Variants in TENM4 observed in about 807,000 individuals in gnomAD.
The protein encoded by TENM4 is teneurin-4.
TENM4 carries 82 observed loss-of-function variants against 243.3 expected under a neutral mutation model. The ratio of observed to expected loss-of-function variants is 0.34; its 90% confidence interval spans 0.28 to 0.40. The LOEUF (loss-of-function observed/expected upper bound fraction) is 0.40. TENM4 is among the 10% of genes least tolerant of loss of function. The pLI, the probability that TENM4 is intolerant of heterozygous loss-of-function variation, is 1.00. For missense variants in TENM4, 3,138 were observed against 3,673.3 expected (o/e 0.85, Z 3.77); for synonymous variants, 1,412 against 1,456.3 (o/e 0.97, Z 0.69).
chr11:78,832,146 A>T (rs1857999638), intron 12 of TENM4, among the ~76,000 whole-genome samples: 1 of 152,178 alleles, frequency 6.6e-6, no homozygotes, highest in Admixed American at 6.5e-5. Context: ...TTTCCCGCAT[A>T]CTTCAAGCAG....
At chr11:78,947,182 G>A (rs1857017231) in intron 6 of TENM4, among the ~76,000 whole-genome samples, 1 of 152,180 alleles carries the variant, frequency 6.6e-6, no homozygotes, top group Non-Finnish European at 1.5e-5. Context: ...CCCACCGTGT[G>A]CACTGGTCTC....
At chr11:79,066,758 AAG>A (rs1860270190) in intron 5 of TENM4, among the ~76,000 whole-genome samples, 1 of 151,882 alleles carries the variant, frequency 6.6e-6, no homozygotes. Context: ...ACGCACGCAC[AAG>A]CACGCACACA....
chr11:78,715,798 GT>G (rs1276299412), intron 25 of TENM4, among the ~76,000 whole-genome samples: 2 of 152,170 alleles, frequency 1.3e-5, no homozygotes, highest in African/African-American at 4.8e-5. Flanking sequence ...GCCCTTTCTA[GT>G]TTGCAGAGCT....
chr11:79,427,288 C>A (rs1859073122), intron 1 of TENM4, among the ~76,000 whole-genome samples: 1 of 152,032 alleles, frequency 6.6e-6, no homozygotes. Flanking sequence ...AGAAATTGGA[C>A]TGAAGAAAAT....
intron 12 of TENM4, among the ~76,000 whole-genome samples, chr11:78,847,497 G>A (rs1307838752): frequency 6.6e-6 from 1 of 152,182 alleles, no homozygotes; most frequent in Admixed American, 6.5e-5. Flanking sequence ...CTTCCCCTCA[G>A]CAGAATTTTA....
At chr11:79,071,478 C>CT (rs1345113556) in intron 4 of TENM4, among the ~76,000 whole-genome samples, 3 of 148,102 alleles carry the variant, frequency 2.0e-5, no homozygotes, top group Non-Finnish European at 4.5e-5. Flanking sequence ...GTGGGAGTGT[C>CT]TGGGGGGTGG....
chr11:79,171,510 G>A (rs577527500), intron 3 of TENM4, among the ~76,000 whole-genome samples: 42 of 152,254 alleles, frequency 2.8e-4, no homozygotes, highest in African/African-American at 8.7e-4. Flanking sequence ...ACGATTAACC[G>A]TTGGGTTCCT....
At chr11:79,422,942 G>T (rs1252919156) in intron 1 of TENM4, among the ~76,000 whole-genome samples, 1 of 152,164 alleles carries the variant, frequency 6.6e-6, no homozygotes, top group Non-Finnish European at 1.5e-5. Context: ...CTGAAAGTAT[G>T]CTCAGCTGGG....
chr11:78,757,302 C>T (rs1410582663), intron 18 of TENM4, among the ~76,000 whole-genome samples: 1 of 152,012 alleles, frequency 6.6e-6, no homozygotes, highest in African/African-American at 2.4e-5. Flanking sequence ...GTATGAAGAC[C>T]CAGAAGTGAG....
chr11:79,247,450 A>T (rs895527748), intron 2 of TENM4, among the ~76,000 whole-genome samples: 1 of 150,220 alleles, frequency 6.7e-6, no homozygotes, highest in Non-Finnish European at 1.5e-5. Flanking sequence ...GAAGAAGAAG[A>T]ACGTGCTGAT....
chr11:78,934,387 G>A (rs369064718), intron 6 of TENM4, among the ~76,000 whole-genome samples: 18 of 130,946 alleles, frequency 1.4e-4, no homozygotes, highest in African/African-American at 4.2e-4. Flanking sequence ...TGTGATGAGC[G>A]AAGGATTCTC....
chr11:78,895,081 C>A (rs1037684393), intron 7 of TENM4, among the ~76,000 whole-genome samples: 10 of 150,874 alleles, frequency 6.6e-5, no homozygotes, highest in Non-Finnish European at 1.2e-4. Flanking sequence ...TTGTGGCTCA[C>A]GCCTGTAATC....
At chr11:79,398,759 AG>A (rs1253189815) in intron 1 of TENM4, among the ~76,000 whole-genome samples, 6 of 59,598 alleles carry the variant, frequency 1.0e-4, no homozygotes, top group African/African-American at 3.6e-4. Context: ...AAAAAAAAAA[AG>A]AGTGCCACAG....
chr11:78,929,629 G>A (rs1283334257), intron 6 of TENM4, among the ~76,000 whole-genome samples: 2 of 152,122 alleles, frequency 1.3e-5, no homozygotes, highest in East Asian at 3.9e-4. Flanking sequence ...GCCCCCGGGG[G>A]AGATGGTAAA....
intron 2 of TENM4, among the ~76,000 whole-genome samples, chr11:79,228,880 A>G (rs370979351): frequency 1.3e-5 from 2 of 152,316 alleles, no homozygotes; most frequent in East Asian, 3.9e-4. Context: ...AAACATTATT[A>G]TTAAATGAAG....
intron 19 of TENM4, among the ~76,000 whole-genome samples, chr11:78,742,297 G>C (rs1018557774): frequency 6.6e-6 from 1 of 152,140 alleles, no homozygotes; most frequent in Non-Finnish European, 1.5e-5. Flanking sequence ...ACCCAGAAAT[G>C]AATTCACTTG....
At chr11:79,100,126 G>C (rs990311907) in intron 4 of TENM4, among the ~76,000 whole-genome samples, 5 of 152,156 alleles carry the variant, frequency 3.3e-5, no homozygotes, top group Admixed American at 1.3e-4. Context: ...TGTAAAATGG[G>C]TATAAGGATA....
intron 6 of TENM4, among the ~76,000 whole-genome samples, chr11:79,001,896 T>A (rs1858338685): frequency 6.6e-6 from 1 of 152,116 alleles, no homozygotes; most frequent in Non-Finnish European, 1.5e-5. Context: ...CCCCTGCCAA[T>A]GTGCACCAAC....
chr11:79,378,470 T>C (rs892449829), intron 1 of TENM4, among the ~76,000 whole-genome samples: 2 of 152,188 alleles, frequency 1.3e-5, no homozygotes, highest in Non-Finnish European at 2.9e-5. Context: ...ATGGGAGGAA[T>C]AATCTAGGTC....
Sources: allele counts gnomAD v4.1 joint callset (sites outside exome capture counted in the v4.1 genomes callset), GRCh38; gene constraint gnomAD v4.1.1; transcripts MANE v1.5; gene names NCBI Gene and HGNC (gene_info 2026-07-23, HGNC 2026-07-21).